Variants in ARHGAP8 observed in about 807,000 individuals in gnomAD.
ARHGAP8 encodes the protein Rho GTPase activating protein 8.
A neutral mutation model predicts 46.1 loss-of-function variants in ARHGAP8; 62 were observed. The observed-to-expected ratio is 1.34, with a 90% CI of 1.10 to 1.66. ARHGAP8 has a LOEUF of 1.66. Among genes scored for constraint, ARHGAP8 ranks in the 40% most tolerant of loss-of-function variants. ARHGAP8 has a pLI of 0.00. For synonymous variants in ARHGAP8, 375 were observed against 243.1 expected, an observed-to-expected ratio of 1.54 and a Z score of -5.05; for missense variants, 923 against 568.4, an observed-to-expected ratio of 1.62 and a Z score of -6.34.
chr22:44,761,259 G>A (rs773177680), intron 1 of ARHGAP8, among the ~76,000 whole-genome samples: 4 of 152,156 alleles, frequency 2.6e-5, no homozygotes, highest in Admixed American at 6.5e-5. Flanking sequence ...CTCTGCATCC[G>A]TGGCCTCTGT....
At chr22:44,817,010 C>T (rs1929801653) in intron 5 of ARHGAP8, among the ~76,000 whole-genome samples, 1 of 151,968 alleles carries the variant, frequency 6.6e-6, no homozygotes, top group Non-Finnish European at 1.5e-5. Flanking sequence ...CTCAGCCTCC[C>T]AAGTAGCTGG....
chr22:44,778,640 G>T (rs1385895025), intron 1 of ARHGAP8, among the ~76,000 whole-genome samples: 1 of 152,122 alleles, frequency 6.6e-6, no homozygotes, highest in Non-Finnish European at 1.5e-5. Context: ...TTATATTCCT[G>T]CCAGCTGTGT....
At chr22:44,837,783 C>T (rs927414132) in intron 7 of ARHGAP8, among the ~76,000 whole-genome samples, 11 of 152,056 alleles carry the variant, frequency 7.2e-5, no homozygotes, top group African/African-American at 2.2e-4. Flanking sequence ...CCTGTTCTTC[C>T]GCTAGCTGTG....
At chr22:44,771,816 A>C (rs1602152964) in intron 1 of ARHGAP8, among the ~76,000 whole-genome samples, 1 of 152,266 alleles carries the variant, frequency 6.6e-6, no homozygotes, top group African/African-American at 2.4e-5. Context: ...CGGCCTCCCA[A>C]AGTGCTGGGA....
intron 11 of ARHGAP8, 97 bp downstream of exon 11, chr22:44,859,931 G>A: frequency 3.6e-6 from 5 of 1,404,200 alleles, no homozygotes; most frequent in Non-Finnish European, 4.8e-6. Context: ...CTGGGTCTGG[G>A]GTCATGCCCT....
intron 4 of ARHGAP8, among the ~76,000 whole-genome samples, chr22:44,812,514 G>A (rs1203369102): frequency 4.0e-5 from 6 of 151,848 alleles, no homozygotes; most frequent in South Asian, 2.1e-4. Flanking sequence ...GCACTACCAC[G>A]CCCGGCTAAT....
At position 44,786,253 on chromosome 22, in the gene ARHGAP8, C is replaced by T. The variant is rs1178574492; in HGVS notation, c.-71-204C>T. 3.3e-5 allele frequency among the ~76,000 whole-genome samples: 5 copies of T among 149,628 alleles called. No individual in the cohort carries two copies. In the Admixed American group the frequency reaches 3.3e-4, roughly 10 times the overall value. On this transcript the variant is annotated intron_variant, in intron 1 of 11. Coordinates refer to ENST00000356099, the MANE Select transcript of ARHGAP8 (RefSeq NM_181335.3). ...TAATGGGTGCTCGGCTGAGGGAGGG[C>T]GCGTACTGGGTGCTCGGCTGAGGCA...
intron 1 of ARHGAP8, among the ~76,000 whole-genome samples, chr22:44,763,093 C>G (rs931953892): frequency 2.0e-5 from 3 of 152,124 alleles, no homozygotes; most frequent in Admixed American, 2.0e-4. Flanking sequence ...AACAACAAGG[C>G]TAAGAGTCTG....
intron 5 of ARHGAP8, among the ~76,000 whole-genome samples, chr22:44,820,934 T>C (rs982716301): frequency 3.0e-4 from 46 of 152,358 alleles, no homozygotes; most frequent in African/African-American, 1.1e-3. Context: ...TGGATTCTCC[T>C]ACCTGTCATG....
intron 7 of ARHGAP8, among the ~76,000 whole-genome samples, chr22:44,840,390 C>A (rs1931573164): frequency 6.6e-6 from 1 of 152,122 alleles, no homozygotes. Flanking sequence ...CCCTCCCTCC[C>A]ATCTTTTTCA....
Position 44,852,075 on chromosome 22 carries a change from T to C in ARHGAP8, c.877+3015T>C, listed in dbSNP as rs191595695. Among the ~76,000 whole-genome samples, 256 of 148,438 alleles carry C rather than the reference T, an allele frequency of 1.7e-3. 2 individuals carry two copies. The highest frequency in any genetic ancestry group is 0.014 in the East Asian group (71 of 4,930). ...GCGTGGTGGTGGACACCTGTAATCC[T>C]AGCTACTCAGGAGGCTGAGGCACGA... On this transcript the variant is annotated intron_variant, in intron 10 of 11. Transcript: ENST00000356099.
In ARHGAP8 at chr22:44,779,397, G is replaced by A. The variant is rs186352611; in HGVS notation, c.-71-7060G>A. ...ATTGCAAGCATGAGCTACTGCGCCC[G>A]GCCGGTGTCTGACTTTTTGTTCAAC... is the stretch of plus-strand genomic sequence containing the variant. On this transcript the variant is annotated intron_variant, in intron 1 of 11. Coordinates refer to ENST00000356099, the MANE Select transcript of ARHGAP8 (RefSeq NM_181335.3). Among the ~76,000 whole-genome samples the A allele has an allele frequency of 1.5e-3, 235 of 151,756 alleles. 1 individual carries two copies. Among genetic ancestry groups the A allele is most frequent in the African/African-American group, 5.4e-3 (224 of 41,444 alleles).
At chr22:44,758,083 A>C (rs1225557552) in intron 1 of ARHGAP8, among the ~76,000 whole-genome samples, 1 of 152,104 alleles carries the variant, frequency 6.6e-6, no homozygotes, top group Non-Finnish European at 1.5e-5. Flanking sequence ...CCAGGGACCC[A>C]TGGCAGTTTC....
chr22:44,854,928 G>T (rs930375347), intron 10 of ARHGAP8, among the ~76,000 whole-genome samples: 1 of 152,230 alleles, frequency 6.6e-6, no homozygotes, highest in Non-Finnish European at 1.5e-5. Context: ...TTACAGGCGT[G>T]AGCCACCGTG....
chr22:44,794,440 G>A (rs1438494863), intron 2 of ARHGAP8, among the ~76,000 whole-genome samples: 1 of 152,132 alleles, frequency 6.6e-6, no homozygotes, highest in African/African-American at 2.4e-5. Context: ...GCCAGGCACG[G>A]TGGCTCACAC....
At chr22:44,854,047 A>C (rs1407456548) in intron 10 of ARHGAP8, among the ~76,000 whole-genome samples, 2 of 146,958 alleles carry the variant, frequency 1.4e-5, no homozygotes, top group Non-Finnish European at 3.0e-5. Flanking sequence ...AAAAAAAAAA[A>C]AAAAAAAAAA....
chr22:44,862,652 A>C lies in ARHGAP8; in HGVS notation c.*57A>C, dbSNP rs1424614928. On this transcript the variant is annotated 3_prime_UTR_variant, in exon 12 of 12. Coordinates refer to ENST00000356099, the MANE Select transcript of ARHGAP8 (RefSeq NM_181335.3). ...CTCCCACACCTGTCTGTGCACTTGT[A>C]TGTTTTGTAAACTTGGCATCTGTAA... The C allele has an allele frequency of 6.7e-7, 1 of 1,501,538 alleles. No homozygotes were observed. The highest frequency in any genetic ancestry group is 8.9e-7 in the Non-Finnish European group (1 of 1,124,960). 93.0% of individuals were successfully genotyped at this position (1,501,538 alleles called of 1,614,324 possible).
intron 5 of ARHGAP8, among the ~76,000 whole-genome samples, chr22:44,821,261 C>G (rs1569162313): frequency 1.3e-5 from 2 of 152,098 alleles, no homozygotes; most frequent in Admixed American, 6.5e-5. Flanking sequence ...GAAACCCCGT[C>G]TCTACTAAAA....
intron 7 of ARHGAP8, among the ~76,000 whole-genome samples, chr22:44,829,271 A>G (rs900362815): frequency 2.0e-5 from 3 of 151,188 alleles, no homozygotes; most frequent in African/African-American, 7.3e-5. Flanking sequence ...AGCCCAGGAG[A>G]CAGAGCGAGA....
Sources: gnomAD v4.1 joint callset for allele counts (sites outside exome capture counted in the v4.1 genomes callset) on GRCh38, gnomAD v4.1.1 for gene constraint, MANE v1.5 for transcripts, NCBI Gene and HGNC (gene_info 2026-07-23, HGNC 2026-07-21) for gene names.